P2RX5: variants seen among roughly 807,000 people sequenced by gnomAD.
The protein encoded by P2RX5 is purinergic receptor P2X 5.
Under a neutral mutation model 54.1 loss-of-function variants are expected in P2RX5, and 46 were observed. The ratio of observed to expected loss-of-function variants is 0.85; its 90% CI spans 0.67 to 1.09. The LOEUF (loss-of-function observed/expected upper bound fraction) is 1.09, where lower values mean the gene tolerates loss of function less well. Among genes scored for constraint, P2RX5 ranks in the 50% least tolerant of loss-of-function variants. The probability of loss-of-function intolerance (pLI) is 0.00; values close to 1 mark genes in which losing one functional copy is unlikely to be tolerated. For missense variants in P2RX5, 566 were observed against 549.8 expected (o/e 1.03, Z -0.29); for synonymous variants, 226 against 226.4 (o/e 1.00, Z 0.02).
the P2RX5 span, among the ~76,000 whole-genome samples, chr17:3,712,365 C>T: frequency 5.9e-5 from 9 of 152,256 alleles, 1 homozygote; most frequent in Non-Finnish European, 1.5e-5. Context: ...AGGTACGGGG[C>T]TCCATGAGAG....
chr17:3,716,448 A>AT, the P2RX5 span, among the ~76,000 whole-genome samples: 1 of 152,224 alleles, frequency 6.6e-6, no homozygotes, highest in Non-Finnish European at 1.5e-5. Context: ...GGCCTTGAGA[A>AT]TAGGGAGGTA....
At chr17:3,682,608 C>T (rs1053435058) in intron 9 of P2RX5, 2 of 163,096 alleles carry the variant, frequency 1.2e-5, no homozygotes, top group African/African-American at 4.8e-5. Flanking sequence ...TGGTCCTCAT[C>T]CTTTAGGTGA....
chr17:3,713,750 CAA>C, the P2RX5 span, among the ~76,000 whole-genome samples: 1 of 140,880 alleles, frequency 7.1e-6, no homozygotes. Flanking sequence ...AACTCTGTCT[CAA>C]AAAAAAAAAA....
the P2RX5 span, among the ~76,000 whole-genome samples, chr17:3,701,798 G>A: frequency 0.11 from 13,989 of 133,152 alleles, 801 homozygotes; most frequent in Middle Eastern, 0.19. Context: ...CTCTGTCTCC[G>A]AGGCTGGAGT....
At chr17:3,695,206 G>A (rs1349092694) in intron 1 of P2RX5, among the ~76,000 whole-genome samples, 3 of 152,218 alleles carry the variant, frequency 2.0e-5, no homozygotes, top group Non-Finnish European at 2.9e-5. Context: ...GAAGGCGCCT[G>A]GCAGAGCAGC....
rs1353677805 is a variant in P2RX5 at position 3,690,303 on chromosome 17, C to G, written c.533+124G>C. 3.6e-6 allele frequency: 4 copies of G among 1,119,928 alleles called. No homozygotes were observed. The African/African-American group carries it at 6.1e-5, about 17-fold the overall frequency. 69.4% of individuals were successfully genotyped at this position (1,119,928 alleles called of 1,614,324 possible). A position where few individuals can be genotyped will look rare whatever the true frequency, so the allele number is the denominator to read the frequency against. On this transcript the variant is annotated intron_variant, in intron 5 of 11. Transcript: ENST00000225328. ...ATGCTGGGGAGGCCGTCGGGCCTCG[C>G]TGGGACAGCCTGACTCCTCCCTCAG... is the stretch of plus-strand genomic sequence containing the variant.
the P2RX5 span, among the ~76,000 whole-genome samples, chr17:3,701,789 T>C: frequency 1.4e-5 from 2 of 144,310 alleles, no homozygotes; most frequent in South Asian, 4.6e-4. Context: ...AGAGTCTTGC[T>C]CTGTCTCCGA....
intron 5 of P2RX5, 121 bp downstream of exon 5, chr17:3,690,306 G>C (rs2050574674): frequency 4.4e-6 from 5 of 1,125,206 alleles, no homozygotes; most frequent in African/African-American, 3.1e-5. Flanking sequence ...GGCCTCGCTG[G>C]GACAGCCTGA....
intron 10 of P2RX5, among the ~76,000 whole-genome samples, chr17:3,680,200 T>A (rs1409369970): frequency 1.7e-4 from 20 of 120,458 alleles, no homozygotes; most frequent in East Asian, 3.0e-4. Flanking sequence ...TCCTCCACCC[T>A]GCATCCTCCA....
chr17:3,691,744 T>C lies in P2RX5; in HGVS notation c.188A>G (p.Gln63Arg). ...KGYQDVDTSL[Q>R]SAVITKVKGV... Reference sequence around the variant, plus strand: ...CTTGACTTTGGTGATGACAGCACTCTGCAGGGAGGTGTCGACGTCTTGGTA... The same window carrying C: ...CTTGACTTTGGTGATGACAGCACTCCGCAGGGAGGTGTCGACGTCTTGGTA... The change falls in exon 2 of 12, where the codon CAG becomes CGG. Residue 63 changes from glutamine (Q) to arginine (R), a missense_variant. Coordinates refer to ENST00000225328, the MANE Select transcript of P2RX5 (RefSeq NM_002561.4). 6.2e-7 allele frequency: 1 copy of C among 1,614,216 alleles called. No homozygotes were observed. Among genetic ancestry groups the C allele is most frequent in the African/African-American group, 1.3e-5 (1 of 75,056 alleles).
chr17:3,718,651 AT>A, the P2RX5 span, among the ~76,000 whole-genome samples: 1 of 152,224 alleles, frequency 6.6e-6, no homozygotes, highest in Non-Finnish European at 1.5e-5. Context: ...AAAGAAAGGA[AT>A]TTTGGGGAAT....
chr17:3,682,281 C>T, intron 9 of P2RX5: 1 of 427,074 alleles, frequency 2.3e-6, no homozygotes, highest in Middle Eastern at 7.3e-4. Context: ...CCAGCACGTG[C>T]CAGTGTCTGC....
At chr17:3,674,124 T>C (rs1246224995) in intron 11 of P2RX5, among the ~76,000 whole-genome samples, 2 of 151,974 alleles carry the variant, frequency 1.3e-5, no homozygotes, top group Admixed American at 6.6e-5. Flanking sequence ...ACCATCCTGA[T>C]TAACACAGTG....
In P2RX5 at chr17:3,695,545, C is replaced by T. The variant is rs375576373; in HGVS notation, c.137+324G>A. 5.3e-5 allele frequency among the ~76,000 whole-genome samples: 8 copies of T among 152,288 alleles called. No homozygotes were observed. The East Asian group carries it at 1.5e-3, about 29-fold the overall frequency. The stretch of plus-strand genomic sequence containing the variant: ...ACCCAGCCCCCTGGCATCCCTGCCC[C>T]CTTCCCATGGCCCTAACACGTGGGG... On this transcript the variant is annotated intron_variant, in intron 1 of 11. Transcript: ENST00000225328.
chr17:3,683,747 A>AG (rs1329961749), intron 9 of P2RX5, among the ~76,000 whole-genome samples: 10 of 148,520 alleles, frequency 6.7e-5, no homozygotes, highest in Non-Finnish European at 1.0e-4. Context: ...AAAAAAAAAA[A>AG]AGAAAAGTGA....
chr17:3,690,368 T>C, intron 5 of P2RX5, 59 bp downstream of exon 5: 4 of 1,374,226 alleles, frequency 2.9e-6, no homozygotes, highest in South Asian at 1.2e-5. Flanking sequence ...ACCCTCAGGC[T>C]GGGACCCACC....
At position 3,689,597 on chromosome 17, in the gene P2RX5, G is replaced by C. The variant is rs760573713; in HGVS notation, c.648C>G (p.Phe216Leu). 3 of 1,614,208 alleles carry C rather than the reference G, an allele frequency of 1.9e-6. No homozygotes were observed. The South Asian group carries it at 3.3e-5, about 18-fold the overall frequency. ...SNVMDVKDRS[F>L]LKSCHFGPKN... is the part of the protein sequence containing the mutation. ...TGGGGCCAAAGTGGCATGATTTCAG[G>C]AAAGATCTGTCCTTGACGTCCATCA... The change falls in exon 7 of 12, where the codon TTC (phenylalanine) becomes TTG (leucine). Residue 216 changes from phenylalanine (F) to leucine (L), a missense_variant. By Grantham distance (22) the Phe-to-Leu change is conservative. Coordinates refer to ENST00000225328, the MANE Select transcript of P2RX5 (RefSeq NM_002561.4).
intron 1 of P2RX5, among the ~76,000 whole-genome samples, chr17:3,694,785 C>T (rs942934268): frequency 2.6e-5 from 4 of 152,254 alleles, no homozygotes; most frequent in Non-Finnish European, 5.9e-5. Context: ...ACCCTCAGGG[C>T]ATTCCCGGAC....
chr17:3,699,874 A>AAAGAAAGAAAGG (rs1567744280), upstream of P2RX5, among the ~76,000 whole-genome samples: 297 of 42,152 alleles, frequency 7.0e-3, 5 homozygotes, highest in East Asian at 0.017. Flanking sequence ...AGAAAGAAAG[A>AAAGAAAGAAAGG]AAGGAAGGAA....
Sources: gnomAD v4.1 joint callset for allele counts (sites outside exome capture counted in the v4.1 genomes callset) on GRCh38, gnomAD v4.1.1 for gene constraint, MANE v1.5 for transcripts, NCBI Gene and HGNC (gene_info 2026-07-23, HGNC 2026-07-21) for gene names.